Variants in TEX36 observed in about 807,000 individuals in gnomAD.
TEX36 encodes the protein testis-expressed protein 36.
TEX36 carries 12 observed loss-of-function variants against 13.6 expected under a neutral mutation model. That is an observed-to-expected ratio of 0.88 (90% CI 0.56 to 1.43). The LOEUF is 1.43. Ranked by LOEUF, TEX36 falls within the 40% of genes most tolerant of loss-of-function variation. The pLI is 0.00. For missense variants in TEX36, 224 were observed against 228.3 expected, an observed-to-expected ratio of 0.98 and a Z score of 0.12; for synonymous variants, 93 against 83.0, an observed-to-expected ratio of 1.12 and a Z score of -0.65.
Position 125,661,098 on chromosome 10 carries a change from C to T in TEX36, c.187G>A (p.Ala63Thr), listed in dbSNP as rs370412215. ...PPIYKVREKQAVNNQFPFSVH... is the reference protein window; with the variant it reads ...PPIYKVREKQTVNNQFPFSVH... ...GAGAAGGGGAACTGGTTATTCACTG[C>T]TTGCTGGAAAAGTGGGATGGAAGGG... The change falls in exon 3 of 4, where the codon GCA (alanine) becomes ACA (threonine). Residue 63 changes from alanine (A) to threonine (T), a missense_variant. Ala to Thr is a moderately conservative substitution (Grantham distance 58). Coordinates refer to ENST00000368821, the MANE Select transcript of TEX36 (RefSeq NM_001128202.3). The T allele has an allele frequency of 6.4e-7, 1 of 1,551,728 alleles. No individual in the cohort carries two copies. Among genetic ancestry groups the T allele is most frequent in the African/African-American group, 1.4e-5 (1 of 73,014 alleles).
intron 3 of TEX36, among the ~76,000 whole-genome samples, chr10:125,594,627 G>T (rs1846059639): frequency 6.6e-6 from 1 of 152,106 alleles, no homozygotes; most frequent in Non-Finnish European, 1.5e-5. Flanking sequence ...CATAAATATG[G>T]GTCAAAGAAG....
At chr10:125,645,510 G>A (rs1376464223) in intron 3 of TEX36, among the ~76,000 whole-genome samples, 1 of 152,076 alleles carries the variant, frequency 6.6e-6, no homozygotes, top group African/African-American at 2.4e-5. Flanking sequence ...TAGCAAGAAG[G>A]CCCTCACCAG....
At chr10:125,601,784 A>T (rs1054150485) in intron 3 of TEX36, among the ~76,000 whole-genome samples, 1 of 152,194 alleles carries the variant, frequency 6.6e-6, no homozygotes, top group African/African-American at 2.4e-5. Flanking sequence ...TTGATGTATC[A>T]CAGCCCATGA....
chr10:125,633,163 T>C (rs1307511607), intron 3 of TEX36, among the ~76,000 whole-genome samples: 2 of 152,170 alleles, frequency 1.3e-5, no homozygotes, highest in African/African-American at 4.8e-5. Context: ...CTTCATTGCC[T>C]CATCTTTCCA....
At chr10:125,617,108 C>G (rs1346702290), downstream of TEX36, among the ~76,000 whole-genome samples, 9 of 151,734 alleles carry the variant, frequency 5.9e-5, no homozygotes, top group East Asian at 1.7e-3. Context: ...GGATTGCAAC[C>G]CCTGCCTTTT....
chr10:125,633,017 C>T (rs543266512), intron 3 of TEX36, among the ~76,000 whole-genome samples: 13 of 152,108 alleles, frequency 8.5e-5, no homozygotes, highest in East Asian at 3.9e-4. Flanking sequence ...CCAGCTACTC[C>T]GGAGTCTGAG....
At chr10:125,619,593 C>T (rs1846403165), downstream of TEX36, among the ~76,000 whole-genome samples, 1 of 152,168 alleles carries the variant, frequency 6.6e-6, no homozygotes, top group Non-Finnish European at 1.5e-5. Context: ...CTCTGTAGCC[C>T]ACGCTGGAGT....
chr10:125,658,650 AG>A (rs1260553307), intron 3 of TEX36, among the ~76,000 whole-genome samples: 1 of 152,164 alleles, frequency 6.6e-6, no homozygotes, highest in Admixed American at 6.5e-5. Flanking sequence ...TAATTCAAAA[AG>A]TGAGAATCTT....
At chr10:125,577,891 C>A (rs1162043666) in intron 3 of TEX36, among the ~76,000 whole-genome samples, 1 of 152,002 alleles carries the variant, frequency 6.6e-6, no homozygotes, top group Admixed American at 6.6e-5. Context: ...GGAATGTGAG[C>A]AAAGAGAGGA....
rs574521230 is a variant in TEX36 at position 125,603,126 on chromosome 10, C to T, written c.265-26252G>A. Among the ~76,000 whole-genome samples the T allele has an allele frequency of 4.3e-4, 66 of 152,338 alleles. 2 individuals carry two copies. Among genetic ancestry groups the T allele is most frequent in the Admixed American group, 1.3e-4 (2 of 15,304 alleles). On this transcript the variant is annotated intron_variant, in intron 3 of 3. Transcript: ENST00000532135. ...ATTTTTCAGGAGCGATGACCATCTG[C>T]GGACAAGGCCAACCAGCCTTCCTGT...
At chr10:125,631,993 T>C (rs1846562985) in intron 3 of TEX36, among the ~76,000 whole-genome samples, 1 of 151,790 alleles carries the variant, frequency 6.6e-6, no homozygotes, top group African/African-American at 2.4e-5. Context: ...AGCAAGAGGA[T>C]AGGACAGAAG....
chr10:125,619,786 A>C (rs963444374), downstream of TEX36, among the ~76,000 whole-genome samples: 18 of 151,494 alleles, frequency 1.2e-4, no homozygotes, highest in African/African-American at 4.1e-4. Flanking sequence ...TGAACTCCTT[A>C]CCTCATGATC....
rs1847419111 is a variant in TEX36 at position 125,682,919 on chromosome 10, G to A, written c.51+20C>T. The A allele has an allele frequency of 1.3e-6, 2 of 1,551,596 alleles. No homozygotes were observed. Among genetic ancestry groups the A allele is most frequent in the African/African-American group, 1.4e-5 (1 of 73,054 alleles). Reference sequence around the variant, plus strand: ...CCCACGTGGCATGAGAAAGGCACCAGGGGCCACCATCTTCCTTACCCATCT... The same window carrying A: ...CCCACGTGGCATGAGAAAGGCACCAAGGGCCACCATCTTCCTTACCCATCT... On this transcript the variant is annotated intron_variant, in intron 1 of 3. Coordinates refer to ENST00000368821, the MANE Select transcript of TEX36 (RefSeq NM_001128202.3).
At chr10:125,632,201 CGAG>C (rs886754088) in intron 3 of TEX36, among the ~76,000 whole-genome samples, 1 of 151,986 alleles carries the variant, frequency 6.6e-6, no homozygotes, top group South Asian at 2.1e-4. Flanking sequence ...TGGACTCTGA[CGAG>C]GAGAAGAGTG....
chr10:125,650,151 T>C (rs1157039495), intron 3 of TEX36, among the ~76,000 whole-genome samples: 1 of 152,178 alleles, frequency 6.6e-6, no homozygotes, highest in Non-Finnish European at 1.5e-5. Flanking sequence ...GCAGACCTAA[T>C]AGACATCTAC....
chr10:125,588,407 T>C (rs1280116324), intron 3 of TEX36, among the ~76,000 whole-genome samples: 1 of 152,180 alleles, frequency 6.6e-6, no homozygotes, highest in Non-Finnish European at 1.5e-5. Flanking sequence ...CTAGGTAATT[T>C]ATAAAGTCAA....
chr10:125,596,578 A>C (rs997967074), intron 3 of TEX36, among the ~76,000 whole-genome samples: 1 of 152,208 alleles, frequency 6.6e-6, no homozygotes, highest in African/African-American at 2.4e-5. Flanking sequence ...CAGAACTATA[A>C]GATAATAAAT....
rs147221585 is a variant in TEX36 at position 125,626,080 on chromosome 10, T to C, written c.265-4435A>G. ...GCAGGTGATAAAGGTCAGGCCATCTTAGCCCAACTCAGGACAACTCTGAAG... is the reference window on the plus strand; with the variant it reads ...GCAGGTGATAAAGGTCAGGCCATCTCAGCCCAACTCAGGACAACTCTGAAG... On this transcript the variant is annotated intron_variant, in intron 3 of 3. Coordinates refer to the TEX36 transcript ENST00000526819. 2.0e-3 allele frequency among the ~76,000 whole-genome samples: 312 copies of C among 152,348 alleles called. 1 individual carries two copies. Among genetic ancestry groups the C allele is most frequent in the South Asian group, 0.011 (53 of 4,828 alleles).
intron 3 of TEX36, among the ~76,000 whole-genome samples, chr10:125,659,699 T>C (rs1292755578): frequency 6.6e-6 from 1 of 152,214 alleles, no homozygotes; most frequent in African/African-American, 2.4e-5. Context: ...TGTTTAACTT[T>C]ACTGGATCTC....
Sources: gnomAD v4.1 joint callset for allele counts (sites outside exome capture counted in the v4.1 genomes callset) on GRCh38, gnomAD v4.1.1 for gene constraint, MANE v1.5 for transcripts, NCBI Gene and HGNC (gene_info 2026-07-23, HGNC 2026-07-21) for gene names.